The following ABCC1 variants were observed in gnomAD, a reference collection of about 807,000 sequenced individuals.
ABCC1 encodes multidrug resistance-associated protein 1.
ABCC1 carries 83 observed loss-of-function variants against 172.9 expected under a neutral mutation model. That is an observed-to-expected ratio of 0.48 (90% CI 0.40 to 0.58). ABCC1 has a LOEUF of 0.58. Among genes scored for constraint, ABCC1 ranks in the 20% least tolerant of loss-of-function variants. The probability of loss-of-function intolerance (pLI) is 0.00; values close to 1 mark genes in which losing one functional copy is unlikely to be tolerated. For missense variants in ABCC1, 1,817 were observed against 2,002.7 expected, an observed-to-expected ratio of 0.91 and a Z score of 1.77; for synonymous variants, 937 against 825.2, an observed-to-expected ratio of 1.14 and a Z score of -2.32.
At chr16:16,093,498 C>G (rs150372497) in intron 19 of ABCC1, among the ~76,000 whole-genome samples, 1 of 152,090 alleles carries the variant, frequency 6.6e-6, no homozygotes. Context: ...ATGCAAATGC[C>G]GCCCACCACC....
At chr16:16,126,134 C>T (rs1410665626) in intron 26 of ABCC1, among the ~76,000 whole-genome samples, 2 of 152,120 alleles carry the variant, frequency 1.3e-5, no homozygotes, top group Admixed American at 6.6e-5. Context: ...TATCCATATA[C>T]GAGACTGTGG....
At chr16:16,119,367 G>A (rs975391010) in intron 23 of ABCC1, among the ~76,000 whole-genome samples, 5 of 152,168 alleles carry the variant, frequency 3.3e-5, no homozygotes, top group Non-Finnish European at 7.3e-5. Context: ...CTTGAGCCTC[G>A]GAGGCGGAGG....
At chr16:15,965,788 G>T (rs1047319354) in intron 1 of ABCC1, among the ~76,000 whole-genome samples, 1 of 150,626 alleles carries the variant, frequency 6.6e-6, no homozygotes, top group Non-Finnish European at 1.5e-5. Context: ...GTAGAGATGG[G>T]GTTTCACCAT....
chr16:16,090,681 G>A, intron 19 of ABCC1, 93 bp downstream of exon 19: 1 of 1,381,812 alleles, frequency 7.2e-7, no homozygotes, highest in Non-Finnish European at 9.6e-7. Context: ...GCCACTTGGG[G>A]AAGGCGGCTC....
intron 5 of ABCC1, among the ~76,000 whole-genome samples, chr16:16,018,472 C>T (rs1451208791): frequency 1.3e-5 from 2 of 152,082 alleles, no homozygotes; most frequent in African/African-American, 2.4e-5. Context: ...TCTCTTGACC[C>T]TGGGAGGCGG....
chr16:16,052,938 C>T, intron 11 of ABCC1, 122 bp downstream of exon 11: 1 of 874,298 alleles, frequency 1.1e-6, no homozygotes, highest in South Asian at 1.6e-5. Flanking sequence ...GCCAGTTGGA[C>T]TCACTTGGGG....
At chr16:16,008,024 TG>T in intron 2 of ABCC1, 32 bp downstream of exon 2, 2 of 467,254 alleles carry the variant, frequency 4.3e-6, no homozygotes, top group South Asian at 2.0e-5. Context: ...TTGTGGGGGG[TG>T]GGAAGGTGCA....
At chr16:15,969,513 C>T (rs915721473) in intron 1 of ABCC1, among the ~76,000 whole-genome samples, 11 of 152,086 alleles carry the variant, frequency 7.2e-5, no homozygotes, top group African/African-American at 2.2e-4. Context: ...GCTGGGATTA[C>T]AGGCATGTGC....
At chr16:16,131,749 A>G (rs1393653892) in intron 26 of ABCC1, 40 bp from the exon 27 acceptor site, 2 of 1,602,746 alleles carry the variant, frequency 1.2e-6, no homozygotes, top group Non-Finnish European at 1.7e-6. Flanking sequence ...TACCAGATGG[A>G]CTGGAAATTC....
In ABCC1 at chr16:15,963,948, C is replaced by CT. The variant is rs552888444; in HGVS notation, c.48+14162dup. 1.6e-3 allele frequency among the ~76,000 whole-genome samples: 232 copies of CT among 146,070 alleles called. 2 individuals carry two copies. The highest frequency in any genetic ancestry group is 1.0e-2 in the South Asian group (46 of 4,620). ...CATTGTCAGACTGCAAATTTCCACACTTTTTTTTTTTTTGAGATGGAGTCT... is the reference window on the plus strand; with the variant it reads ...CATTGTCAGACTGCAAATTTCCACACTTTTTTTTTTTTTTGAGATGGAGTCT... On this transcript the variant is annotated intron_variant, in intron 1 of 30. Transcript: ENST00000399410.
chr16:16,115,996 G>A (rs1236775226), intron 23 of ABCC1, among the ~76,000 whole-genome samples: 1 of 151,620 alleles, frequency 6.6e-6, no homozygotes, highest in Non-Finnish European at 1.5e-5. Context: ...TCCACCTCTC[G>A]GGTTCACACC....
At chr16:16,052,957 C>A (rs2049495645) in intron 11 of ABCC1, 141 bp downstream of exon 11, 1 of 710,636 alleles carries the variant, frequency 1.4e-6, no homozygotes, top group Non-Finnish European at 2.4e-6. Context: ...GGAGCCTTAA[C>A]AAATGCTGAT....
At chr16:16,070,981 C>T (rs986422023) in intron 13 of ABCC1, among the ~76,000 whole-genome samples, 19 of 152,188 alleles carry the variant, frequency 1.2e-4, no homozygotes, top group Admixed American at 5.2e-4. Context: ...TCAGAAATGC[C>T]TGTCCCATTG....
chr16:16,105,133 G>A (rs1434924943), intron 20 of ABCC1, among the ~76,000 whole-genome samples: 3 of 152,234 alleles, frequency 2.0e-5, no homozygotes, highest in South Asian at 2.1e-4. Context: ...TGCCAAGGCC[G>A]AGGAGGCACA....
Position 16,125,834 on chromosome 16 carries a change from G to T in ABCC1, c.3742G>T (p.Val1248Phe). The change falls in exon 26 of 31, where the codon GTT becomes TTT. Residue 1248 changes from valine to phenylalanine, a missense_variant. By Grantham distance (50) the Val-to-Phe change is conservative. This residue lies in a region of ABCC1 where 1,412 missense variants were observed against 1,600.3 expected (regional missense o/e 0.88). Coordinates refer to ENST00000399410, the MANE Select transcript of ABCC1 (RefSeq NM_004996.4). ...LQVTTYLNWL[V>F]RMSSEMETNI... ...GGTCACCACGTACTTGAACTGGCTGGTTCGGATGTCATCTGAAATGGAAAC... is the reference window on the plus strand; with the variant it reads ...GGTCACCACGTACTTGAACTGGCTGTTTCGGATGTCATCTGAAATGGAAAC... 6.2e-7 allele frequency: 1 copy of T among 1,613,994 alleles called. No individual in the cohort carries two copies. Among genetic ancestry groups the T allele is most frequent in the African/African-American group, 1.3e-5 (1 of 75,008 alleles).
chr16:16,118,960 C>G (rs57819322), intron 23 of ABCC1, among the ~76,000 whole-genome samples: 18,355 of 148,708 alleles, frequency 0.12, 1,898 homozygotes, highest in African/African-American at 0.28. Flanking sequence ...ATCGCCCAAA[C>G]TGGAAACAGC....
chr16:16,073,734 G>A (rs1418722605), intron 14 of ABCC1, among the ~76,000 whole-genome samples: 2 of 152,164 alleles, frequency 1.3e-5, no homozygotes, highest in South Asian at 2.1e-4. Flanking sequence ...TCCAGCCTGG[G>A]TGTCAGAGTG....
At chr16:16,013,872 T>C (rs949223472) in intron 3 of ABCC1, among the ~76,000 whole-genome samples, 1 of 151,940 alleles carries the variant, frequency 6.6e-6, no homozygotes, top group Admixed American at 6.6e-5. Flanking sequence ...CAGGGAAAAC[T>C]TGAGAGTTGT....
chr16:16,133,740 G>T (rs1223285399), intron 27 of ABCC1, among the ~76,000 whole-genome samples: 1 of 152,138 alleles, frequency 6.6e-6, no homozygotes, highest in African/African-American at 2.4e-5. Context: ...CACGTCATGA[G>T]AATTTTTGCA....
Sources: gnomAD v4.1 joint callset for allele counts (sites outside exome capture counted in the v4.1 genomes callset) on GRCh38, gnomAD v4.1.1 for gene constraint, gnomAD v4.1.1 regional missense constraint, MANE v1.5 for transcripts, NCBI Gene and HGNC (gene_info 2026-07-23, HGNC 2026-07-21) for gene names.